UBTD2: variants seen among roughly 807,000 people sequenced by gnomAD.
The protein encoded by UBTD2 is ubiquitin domain containing 2.
Under a neutral mutation model 19.8 loss-of-function variants are expected in UBTD2, and 9 were observed. The ratio of observed to expected loss-of-function variants is 0.46; its 90% CI spans 0.27 to 0.79. The LOEUF (loss-of-function observed/expected upper bound fraction) is 0.79, where lower values mean the gene tolerates loss of function less well. Among genes scored for constraint, UBTD2 ranks in the 30% least tolerant of loss-of-function variants. UBTD2 has a pLI of 0.14. For synonymous variants in UBTD2, 98 were observed against 103.9 expected (o/e 0.94, Z 0.35); for missense variants, 250 against 300.4 (o/e 0.83, Z 1.24).
chr5:172,242,681 A>G (rs1488533233), intron 1 of UBTD2, among the ~76,000 whole-genome samples: 2 of 152,198 alleles, frequency 1.3e-5, no homozygotes, highest in African/African-American at 4.8e-5. Context: ...TGTCACGTCT[A>G]TGGTATAATT....
At chr5:172,276,626 T>C (rs1755608472) in intron 1 of UBTD2, among the ~76,000 whole-genome samples, 1 of 152,070 alleles carries the variant, frequency 6.6e-6, no homozygotes, top group African/African-American at 2.4e-5. Flanking sequence ...GACCCCGTAA[T>C]GTGGGCCAGT....
At chr5:172,243,428 C>A (rs1438328116) in intron 1 of UBTD2, among the ~76,000 whole-genome samples, 1 of 151,944 alleles carries the variant, frequency 6.6e-6, no homozygotes, top group Admixed American at 6.6e-5. Context: ...GATGATTTTT[C>A]CTTGCCACAT....
chr5:172,276,982 T>C (rs960137116), intron 1 of UBTD2, among the ~76,000 whole-genome samples: 3 of 141,706 alleles, frequency 2.1e-5, no homozygotes, highest in African/African-American at 5.4e-5. Context: ...GGCAGGAGAA[T>C]TGCTTCAACC....
chr5:172,229,222 C>A (rs1030903157), intron 2 of UBTD2, among the ~76,000 whole-genome samples: 3 of 151,798 alleles, frequency 2.0e-5, no homozygotes, highest in East Asian at 1.9e-4. Flanking sequence ...AGCTTTTGGC[C>A]GGGCGCGGTG....
intron 1 of UBTD2, among the ~76,000 whole-genome samples, chr5:172,278,714 C>T (rs573868276): frequency 6.6e-6 from 1 of 152,210 alleles, no homozygotes; most frequent in Admixed American, 6.5e-5. Flanking sequence ...ATCAATGCCA[C>T]TGAATTACAC....
intron 1 of UBTD2, among the ~76,000 whole-genome samples, chr5:172,271,398 C>T (rs1197641404): frequency 2.0e-5 from 3 of 147,682 alleles, no homozygotes; most frequent in African/African-American, 7.5e-5. Flanking sequence ...CACTGCACTC[C>T]AGCCTGGGTG....
At position 172,211,951 on chromosome 5, in the gene UBTD2, A is replaced by T; in HGVS notation, c.584T>A (p.Phe195Tyr). 6.2e-7 allele frequency: 1 copy of T among 1,614,060 alleles called. No individual in the cohort carries two copies. The highest frequency in any genetic ancestry group is 8.5e-7 in the Non-Finnish European group (1 of 1,180,014). The change falls in exon 3 of 3, where the codon TTT (phenylalanine) becomes TAT (tyrosine). Residue 195 changes from phenylalanine (F) to tyrosine (Y), a missense_variant. Coordinates refer to ENST00000393792, the MANE Select transcript of UBTD2 (RefSeq NM_152277.3). ...EGVEPGSQRW[F>Y]FSGRPLTDKM... ...GTCAGTGAGAGGTCTGCCAGAAAAA[A>T]ACCACCGCTGACTACCTGGTTCCAC...
At chr5:172,223,522 C>T (rs1189544622) in intron 2 of UBTD2, among the ~76,000 whole-genome samples, 1 of 140,210 alleles carries the variant, frequency 7.1e-6, no homozygotes, top group Admixed American at 7.9e-5. Context: ...TTGCTTGAAC[C>T]CGGGAGGCAG....
rs555392614 is a variant in UBTD2, at chr5:172,274,135, CTTTTTTT to C, written c.70+9454_70+9460del. Among the ~76,000 whole-genome samples, 71 of 108,610 alleles carry C rather than the reference CTTTTTTT, an allele frequency of 6.5e-4. 1 individual carries two copies. Among genetic ancestry groups the C allele is most frequent in the African/African-American group, 1.6e-3 (42 of 26,544 alleles). 71.3% of individuals were successfully genotyped at this position (108,610 alleles called of 152,430 possible). A position where few individuals can be genotyped will look rare whatever the true frequency, so the allele number is the denominator to read the frequency against. On this transcript the variant is annotated intron_variant, in intron 1 of 2. Transcript: ENST00000393792. ...CCTCCTCATGCTCAATTTTGCTTTA[CTTTTTTT>C]TTTTTTTTTTTTTTTTGAGACGGAG...
At chr5:172,222,668 A>G (rs112504896) in intron 2 of UBTD2, among the ~76,000 whole-genome samples, 1,527 of 152,352 alleles carry the variant, frequency 0.01, 26 homozygotes, top group African/African-American at 0.034. Flanking sequence ...ATAGCAACGA[A>G]GGGAATCCCA....
At chr5:172,212,790 G>A (rs1309576972) in intron 2 of UBTD2, among the ~76,000 whole-genome samples, 2 of 151,694 alleles carry the variant, frequency 1.3e-5, no homozygotes, top group Admixed American at 6.6e-5. Flanking sequence ...TCAGCCTTCC[G>A]AGTAGTTGGG....
At chr5:172,253,457 A>ATTTTTTTTTTT (rs11292185) in intron 1 of UBTD2, among the ~76,000 whole-genome samples, 1 of 145,882 alleles carries the variant, frequency 6.9e-6, no homozygotes. Context: ...AACCCTATCA[A>ATTTTTTTTTTT]TTTTTTTTTT....
rs372723659 is a variant in UBTD2, at chr5:172,259,423, G to C, written c.70+24173C>G. ...CCCAAAGTGCTGGGATTACAGGAGT[G>C]AGCCATCGCGCCCAGCCCTGTTGAG... is the stretch of plus-strand genomic sequence containing the variant. On this transcript the variant is annotated intron_variant, in intron 1 of 2. Coordinates refer to ENST00000393792, the MANE Select transcript of UBTD2 (RefSeq NM_152277.3). Among the ~76,000 whole-genome samples, 10 of 152,178 alleles carry C rather than the reference G, an allele frequency of 6.6e-5. No homozygotes were observed. In the East Asian group the frequency reaches 1.9e-3, roughly 29 times the overall value.
chr5:172,232,990 A>C (rs1313471126), intron 2 of UBTD2, among the ~76,000 whole-genome samples: 4 of 151,960 alleles, frequency 2.6e-5, no homozygotes, highest in Non-Finnish European at 4.4e-5. Flanking sequence ...AAAATACAAA[A>C]ATTAGCCAGG....
chr5:172,234,647 C>G (rs1771972017), intron 1 of UBTD2, among the ~76,000 whole-genome samples: 1 of 152,184 alleles, frequency 6.6e-6, no homozygotes, highest in Non-Finnish European at 1.5e-5. Context: ...AGCTCAACAC[C>G]TGTAATCCCA....
At chr5:172,221,690 G>A (rs961603004) in intron 2 of UBTD2, among the ~76,000 whole-genome samples, 1 of 152,160 alleles carries the variant, frequency 6.6e-6, no homozygotes, top group African/African-American at 2.4e-5. Flanking sequence ...TTGCCATGGG[G>A]TTAGGAGGGA....
rs574452950 is a variant in UBTD2, at chr5:172,216,972, CCA to C, written c.308-4747_308-4746del. ...CAGAGACAGACCTTGCCTAAAAAAA[CCA>C]CACACACACACAAAACAAAGACAGA... is the stretch of plus-strand genomic sequence containing the variant. On this transcript the variant is annotated intron_variant, in intron 2 of 2. Coordinates refer to ENST00000393792, the MANE Select transcript of UBTD2 (RefSeq NM_152277.3). 2.3e-4 allele frequency among the ~76,000 whole-genome samples: 35 copies of C among 151,202 alleles called. No individual in the cohort carries two copies. The South Asian group carries it at 6.9e-3, about 30-fold the overall frequency.
chr5:172,278,924 G>A (rs933927856), intron 1 of UBTD2, among the ~76,000 whole-genome samples: 4 of 152,042 alleles, frequency 2.6e-5, no homozygotes, highest in East Asian at 3.9e-4. Context: ...ACAGGCACTC[G>A]CCACCACCAC....
At chr5:172,259,410 G>A (rs1360864034) in intron 1 of UBTD2, among the ~76,000 whole-genome samples, 1 of 151,964 alleles carries the variant, frequency 6.6e-6, no homozygotes, top group Non-Finnish European at 1.5e-5. Flanking sequence ...CAAAGTGCTG[G>A]GATTACAGGA....
Sources: allele counts gnomAD v4.1 joint callset (sites outside exome capture counted in the v4.1 genomes callset), GRCh38; gene constraint gnomAD v4.1.1; transcripts MANE v1.5; gene names NCBI Gene and HGNC (gene_info 2026-07-23, HGNC 2026-07-21).